MLLT3: variants seen among roughly 807,000 people sequenced by gnomAD.
MLLT3 encodes the protein MLLT3 super elongation complex subunit, also known as protein AF-9.
In MLLT3, 4 loss-of-function variants were observed where a neutral mutation model predicts 53.2. That is an observed-to-expected ratio of 0.08 (90% CI 0.04 to 0.17). MLLT3 has a LOEUF of 0.17. Among genes scored for constraint, MLLT3 ranks in the 10% least tolerant of loss-of-function variants. The pLI, the probability that MLLT3 is intolerant of heterozygous loss-of-function variation, is 1.00. For missense variants in MLLT3, 569 were observed against 684.0 expected, an observed-to-expected ratio of 0.83 and a Z score of 1.87; for synonymous variants, 283 against 230.6, an observed-to-expected ratio of 1.23 and a Z score of -2.06.
chr9:20,413,433 T>C (rs776423993), intron 5 of MLLT3, among the ~76,000 whole-genome samples: 73 of 152,310 alleles, frequency 4.8e-4, no homozygotes, highest in Non-Finnish European at 7.4e-4. Context: ...ATACCAAGCT[T>C]TGATGAGCAA....
chr9:20,356,806 G>C (rs929864600), intron 8 of MLLT3, among the ~76,000 whole-genome samples: 4 of 152,134 alleles, frequency 2.6e-5, no homozygotes, highest in Admixed American at 6.5e-5. Context: ...CACACATTCC[G>C]TAAGTGCTAC....
At chr9:20,591,739 A>G (rs1402122404) in intron 2 of MLLT3, among the ~76,000 whole-genome samples, 2 of 152,260 alleles carry the variant, frequency 1.3e-5, no homozygotes, top group Admixed American at 6.5e-5. Flanking sequence ...GTTTAAGCAG[A>G]TAAGTGAATG....
chr9:20,418,293 G>A (rs950371815), intron 4 of MLLT3: 7 of 152,188 alleles, frequency 4.6e-5, no homozygotes, highest in African/African-American at 1.7e-4. Flanking sequence ...TAACACAGAG[G>A]GATGACAAGC....
At chr9:20,618,068 T>G (rs150881642) in intron 2 of MLLT3, among the ~76,000 whole-genome samples, 1 of 152,216 alleles carries the variant, frequency 6.6e-6, no homozygotes, top group Non-Finnish European at 1.5e-5. Context: ...TAGCAGCTAC[T>G]GTATACAGTG....
At chr9:20,437,437 T>A (rs868255001) in intron 4 of MLLT3, among the ~76,000 whole-genome samples, 14 of 151,048 alleles carry the variant, frequency 9.3e-5, no homozygotes, top group South Asian at 4.2e-4. Flanking sequence ...CAGAAAAAAA[T>A]AAAAAAGAAG....
At chr9:20,462,248 A>G (rs1347744859) in intron 2 of MLLT3, among the ~76,000 whole-genome samples, 1 of 152,160 alleles carries the variant, frequency 6.6e-6, no homozygotes, top group African/African-American at 2.4e-5. Context: ...TATTCATCCC[A>G]CTTCAAAACA....
intron 4 of MLLT3, among the ~76,000 whole-genome samples, chr9:20,424,952 G>A (rs997238419): frequency 1.1e-4 from 16 of 152,164 alleles, no homozygotes; most frequent in African/African-American, 3.6e-4. Context: ...CACAAAGCAG[G>A]AACTATGTGA....
chr9:20,617,911 C>T (rs1259444035), intron 2 of MLLT3, among the ~76,000 whole-genome samples: 1 of 152,160 alleles, frequency 6.6e-6, no homozygotes, highest in African/African-American at 2.4e-5. Context: ...ATAATTTTTT[C>T]TCCTACAAAT....
chr9:20,416,844 A>C (rs544032324), intron 4 of MLLT3, among the ~76,000 whole-genome samples: 13 of 152,264 alleles, frequency 8.5e-5, no homozygotes, highest in African/African-American at 3.1e-4. Context: ...AAGGAGAGAG[A>C]GCAGTTTTTA....
At chr9:20,574,566 C>A (rs1466225297) in intron 2 of MLLT3, among the ~76,000 whole-genome samples, 2 of 152,094 alleles carry the variant, frequency 1.3e-5, no homozygotes, top group Non-Finnish European at 2.9e-5. Context: ...AATGCATAGA[C>A]CTTAATTTTA....
Position 20,448,810 on chromosome 9 carries a change from T to A in MLLT3, c.277-544A>T, listed in dbSNP as rs974305736. Among the ~76,000 whole-genome samples, 2 of 152,172 alleles carry A rather than the reference T, an allele frequency of 1.3e-5. No homozygotes were observed. The highest frequency in any genetic ancestry group is 2.9e-5 in the Non-Finnish European group (2 of 68,022). ...TAGTTAAAATTTCAACAGCTTCCAA[T>A]AGCCATTGGGCTAAAAATCCTAATC... On this transcript the variant is annotated intron_variant, in intron 3 of 10. Transcript: ENST00000380338. This position sits in a 1 kb window ranked among gnomAD's most constrained non-coding sequence, Gnocchi z 4.0.
chr9:20,582,557 C>T (rs4621895), intron 2 of MLLT3, among the ~76,000 whole-genome samples: 63,605 of 151,894 alleles, frequency 0.42, 13,810 homozygotes, highest in Middle Eastern at 0.5. Flanking sequence ...CCTGTTTCAC[C>T]CTGCTGATAA....
chr9:20,374,592 G>A (rs997860824), intron 5 of MLLT3, among the ~76,000 whole-genome samples: 3 of 152,088 alleles, frequency 2.0e-5, no homozygotes, highest in Non-Finnish European at 2.9e-5. Context: ...ATGCACTAGC[G>A]AATTATTAAA....
chr9:20,536,303 A>C (rs1446432834), intron 2 of MLLT3, among the ~76,000 whole-genome samples: 1 of 152,212 alleles, frequency 6.6e-6, no homozygotes, highest in African/African-American at 2.4e-5. Flanking sequence ...TCATACTTCT[A>C]GCTCATGCTT....
chr9:20,397,752 T>C (rs1057444257), intron 5 of MLLT3, among the ~76,000 whole-genome samples: 2 of 152,160 alleles, frequency 1.3e-5, no homozygotes, highest in Non-Finnish European at 2.9e-5. Context: ...GTCTTTAGAG[T>C]TCATTTTTTT....
chr9:20,571,770 A>G (rs1026137031), intron 2 of MLLT3, among the ~76,000 whole-genome samples: 2 of 152,258 alleles, frequency 1.3e-5, no homozygotes, highest in African/African-American at 4.8e-5. Flanking sequence ...GGTATGTGAA[A>G]AAAATGCTCA....
chr9:20,528,438 C>A (rs1818254156), intron 2 of MLLT3, among the ~76,000 whole-genome samples: 1 of 152,210 alleles, frequency 6.6e-6, no homozygotes, highest in African/African-American at 2.4e-5. Context: ...CTACCACAAA[C>A]TTTGTGCTTT....
In MLLT3 at chr9:20,349,100, A is replaced by C. The variant is rs936052983; in HGVS notation, c.1576-2526T>G. ...TGACCAGAATTTGACTCCTTTCCTC[A>C]GCGAGCTGCCCAGTAGGTAATTGAC... is the stretch of plus-strand genomic sequence containing the variant. On this transcript the variant is annotated intron_variant, in intron 10 of 10. Transcript: ENST00000380338. 1.1e-4 allele frequency among the ~76,000 whole-genome samples: 17 copies of C among 152,206 alleles called. 1 individual carries two copies. Among genetic ancestry groups the C allele is most frequent in the Non-Finnish European group, 5.9e-5 (4 of 68,024 alleles).
rs148842512 is a variant in MLLT3, at chr9:20,479,743, T to C, written c.194-22957A>G. ...CTTGTTTTTAAGTAAAAATATTCTA[T>C]ACATAATAAAAATCAACATTTGAAA... On this transcript the variant is annotated intron_variant, in intron 2 of 10. Transcript: ENST00000380338. Among the ~76,000 whole-genome samples the C allele has an allele frequency of 3.7e-3, 557 of 152,344 alleles. 5 individuals carry two copies. The highest frequency in any genetic ancestry group is 5.8e-3 in the Non-Finnish European group (395 of 68,030).
Sources: gnomAD v4.1 joint callset for allele counts (sites outside exome capture counted in the v4.1 genomes callset) on GRCh38, gnomAD v4.1.1 for gene constraint, Gnocchi (gnomAD v3.1) non-coding constraint, MANE v1.5 for transcripts, NCBI Gene and HGNC (gene_info 2026-07-23, HGNC 2026-07-21) for gene names.